The following MROH9 variants were observed in gnomAD, a reference collection of about 807,000 sequenced individuals.
MROH9 encodes the protein maestro heat like repeat family member 9.
A neutral mutation model predicts 98.2 loss-of-function variants in MROH9; 92 were observed. That is an observed-to-expected ratio of 0.94 (90% CI 0.79 to 1.11). The LOEUF is 1.11. MROH9 is among the 50% of genes most tolerant of loss of function. The pLI is 0.00. For missense variants in MROH9, 1,057 were observed against 1,014.8 expected (o/e 1.04, Z -0.57); for synonymous variants, 397 against 368.9 (o/e 1.08, Z -0.87).
intron 20 of MROH9, among the ~76,000 whole-genome samples, chr1:171,057,991 T>G (rs1653899091): frequency 6.6e-6 from 1 of 151,908 alleles, no homozygotes; most frequent in Non-Finnish European, 1.5e-5. Flanking sequence ...CAAAATATAT[T>G]CTTTCAGGCA....
Position 171,024,490 on chromosome 1 carries a change from A to G in MROH9, c.2004A>G (p.Leu668=), listed in dbSNP as rs769353317. The change falls in exon 18 of 22, where the codon CTA becomes CTG. Residue 668 remains leucine (L), a synonymous_variant. Transcript: ENST00000367759. ...QYTWMVNDVV[L]EGLVPLILFL... Reference sequence around the variant, plus strand: ...CATGGATGGTGAATGATGTGGTTCTAGAAGGCTTGGTGCCCCTAATCCTAT... The same window carrying G: ...CATGGATGGTGAATGATGTGGTTCTGGAAGGCTTGGTGCCCCTAATCCTAT... 10 of 1,548,664 alleles carry G rather than the reference A, an allele frequency of 6.5e-6. No individual in the cohort carries two copies. The highest frequency in any genetic ancestry group is 8.7e-6 in the Non-Finnish European group (10 of 1,146,018).
At chr1:171,038,500 A>G (rs1034699213) in intron 20 of MROH9, among the ~76,000 whole-genome samples, 5 of 152,204 alleles carry the variant, frequency 3.3e-5, no homozygotes, top group African/African-American at 1.2e-4. Context: ...TCCTCTCAAG[A>G]GAATATATCC....
intron 9 of MROH9, among the ~76,000 whole-genome samples, chr1:170,984,390 A>C (rs1651050011): frequency 6.6e-6 from 1 of 152,220 alleles, no homozygotes; most frequent in Non-Finnish European, 1.5e-5. Context: ...GCTGTCTTAA[A>C]TATGTAGAAG....
intron 13 of MROH9, 101 bp from the exon 14 acceptor site, chr1:170,996,406 C>A: frequency 1.5e-6 from 2 of 1,346,924 alleles, no homozygotes. Flanking sequence ...TTTCTCAAAA[C>A]CTATATTCTG....
At chr1:171,048,995 T>C (rs1653563999) in intron 20 of MROH9, among the ~76,000 whole-genome samples, 2 of 152,160 alleles carry the variant, frequency 1.3e-5, no homozygotes, top group African/African-American at 4.8e-5. Context: ...TGACCTATCC[T>C]ACTGTGGCTG....
At chr1:171,043,937 T>C (rs1042548182) in intron 20 of MROH9, among the ~76,000 whole-genome samples, 14 of 152,212 alleles carry the variant, frequency 9.2e-5, no homozygotes, top group Non-Finnish European at 1.5e-4. Flanking sequence ...ACTTCTTCTG[T>C]TCCAATTTAG....
At chr1:171,057,847 A>G (rs145296370) in intron 20 of MROH9, among the ~76,000 whole-genome samples, 18 of 152,286 alleles carry the variant, frequency 1.2e-4, no homozygotes, top group East Asian at 7.7e-4. Context: ...CCAACCCAGA[A>G]TTTCATATCC....
At chr1:171,027,123 C>T (rs1652739477) in intron 20 of MROH9, among the ~76,000 whole-genome samples, 1 of 151,978 alleles carries the variant, frequency 6.6e-6, no homozygotes, top group African/African-American at 2.4e-5. Context: ...ATGTGCAGAA[C>T]ATGCAGGTTT....
In MROH9 at chr1:170,992,278, A is replaced by G. The variant is rs1195492344; in HGVS notation, c.1143A>G (p.Val381=). 1.9e-6 allele frequency: 3 copies of G among 1,613,472 alleles called. No homozygotes were observed. The highest frequency in any genetic ancestry group is 1.7e-5 in the Admixed American group (1 of 59,932). ...KGKPGEMEDT[V]TEGKRFSLDI... ...AGCCTGGGGAAATGGAGGACACCGT[A>G]ACGGAAGGGAAACGTTTCTCTCTTG... Residue 381 remains valine, a synonymous_variant, in exon 12 of 22, where the codon GTA becomes GTG. Coordinates refer to ENST00000367759, the MANE Select transcript of MROH9 (RefSeq NM_001163629.2).
intron 1 of MROH9, among the ~76,000 whole-genome samples, chr1:170,938,739 T>C (rs1255505425): frequency 6.6e-6 from 1 of 152,210 alleles, no homozygotes; most frequent in Non-Finnish European, 1.5e-5. Flanking sequence ...CCAGGGTAAG[T>C]GTCTATTTCA....
At chr1:170,967,498 C>T (rs1302881545) in intron 7 of MROH9, among the ~76,000 whole-genome samples, 1 of 152,126 alleles carries the variant, frequency 6.6e-6, no homozygotes, top group African/African-American at 2.4e-5. Flanking sequence ...GTATCTGACA[C>T]ATTGTATATC....
intron 5 of MROH9, among the ~76,000 whole-genome samples, chr1:170,960,700 G>T (rs1394263986): frequency 6.6e-6 from 1 of 152,168 alleles, no homozygotes; most frequent in Non-Finnish European, 1.5e-5. Context: ...TTGGCTCACT[G>T]CAGTCTCCAC....
intron 20 of MROH9, among the ~76,000 whole-genome samples, chr1:171,029,246 C>T (rs1195512358): frequency 2.6e-5 from 4 of 151,350 alleles, no homozygotes; most frequent in African/African-American, 4.9e-5. Flanking sequence ...GGAGTCTGCT[C>T]GTTGCCCAGG....
chr1:171,016,347 C>A lies in MROH9; in HGVS notation c.1908+11C>A. The A allele has an allele frequency of 6.8e-7, 1 of 1,466,066 alleles. No homozygotes were observed. The highest frequency in any genetic ancestry group is 1.4e-5 in the South Asian group (1 of 69,036). 90.8% of individuals were successfully genotyped at this position (1,466,066 alleles called of 1,614,324 possible). ...ACTCTGATGGATCATGTGAGTTACA[C>A]AGTTAGATATGTGAGATCATTAGGT... On this transcript the variant is annotated intron_variant, in intron 17 of 21. Coordinates refer to ENST00000367759, the MANE Select transcript of MROH9 (RefSeq NM_001163629.2).
chr1:171,010,345 A>T (rs768979595), intron 15 of MROH9, among the ~76,000 whole-genome samples: 1 of 152,194 alleles, frequency 6.6e-6, no homozygotes, highest in Non-Finnish European at 1.5e-5. Context: ...GTTGATGGAC[A>T]TTTGGGTTGG....
intron 6 of MROH9, 22 bp from the exon 7 acceptor site, chr1:170,965,129 A>G: frequency 6.4e-7 from 1 of 1,562,820 alleles, no homozygotes; most frequent in Non-Finnish European, 8.8e-7. Context: ...TGGTTCTAGG[A>G]TGACTTTTAT....
At chr1:171,027,907 G>A (rs1438688787) in intron 20 of MROH9, among the ~76,000 whole-genome samples, 3 of 147,134 alleles carry the variant, frequency 2.0e-5, no homozygotes, top group Non-Finnish European at 4.6e-5. Context: ...GTTGTTTTTT[G>A]TTGTTAAGTT....
chr1:171,046,347 A>G (rs900538316), intron 20 of MROH9, among the ~76,000 whole-genome samples: 1 of 151,990 alleles, frequency 6.6e-6, no homozygotes, highest in Non-Finnish European at 1.5e-5. Context: ...TTTGTATTCT[A>G]GTTGTTTTAT....
intron 8 of MROH9, 121 bp from the exon 9 acceptor site, chr1:170,983,301 A>T: frequency 1.6e-6 from 1 of 642,092 alleles, no homozygotes; most frequent in Non-Finnish European, 2.7e-6. Context: ...GCAGAGAGTT[A>T]AATATTCGGA....
Sources: gnomAD v4.1 joint callset for allele counts (sites outside exome capture counted in the v4.1 genomes callset) on GRCh38, gnomAD v4.1.1 for gene constraint, MANE v1.5 for transcripts, NCBI Gene and HGNC (gene_info 2026-07-23, HGNC 2026-07-21) for gene names.